The following ZNF286A variants were observed in gnomAD, a reference collection of about 807,000 sequenced individuals.
The protein encoded by ZNF286A is zinc finger protein ZNF286.
A neutral mutation model predicts 49.3 loss-of-function variants in ZNF286A; 34 were observed. The ratio of observed to expected loss-of-function variants is 0.69; its 90% CI spans 0.52 to 0.92. The LOEUF is 0.92. ZNF286A is among the 40% of genes least tolerant of loss of function. ZNF286A has a pLI of 0.00. For synonymous variants in ZNF286A, 155 were observed against 200.4 expected, an observed-to-expected ratio of 0.77 and a Z score of 1.91; for missense variants, 462 against 600.2, an observed-to-expected ratio of 0.77 and a Z score of 2.41.
In ZNF286A at chr17:15,716,540, C is replaced by T. The variant is rs776475544; in HGVS notation, c.816C>T (p.Thr272=). 1 of 1,613,898 alleles carries T rather than the reference C, an allele frequency of 6.2e-7. No homozygotes were observed. The highest frequency in any genetic ancestry group is 1.1e-5 in the South Asian group (1 of 91,080). The part of the protein sequence containing the change: ...QRVHTGEKPY[T]CNECGKSFSH... ...TCCATACTGGAGAGAAACCCTATAC[C>T]TGCAATGAATGTGGGAAATCTTTTA... Residue 272 remains threonine, a synonymous_variant, in exon 6 of 6, where the codon ACC becomes ACT. Transcript: ENST00000583566.
intron 5 of ZNF286A, 80 bp from the exon 6 acceptor site, chr17:15,715,979 A>T: frequency 6.3e-7 from 1 of 1,575,924 alleles, no homozygotes; most frequent in Non-Finnish European, 8.6e-7. Flanking sequence ...TTTCACTTTC[A>T]TTAACTCTTA....
At chr17:15,712,071 AC>A (rs1374058312) in intron 5 of ZNF286A, among the ~76,000 whole-genome samples, 1 of 152,044 alleles carries the variant, frequency 6.6e-6, no homozygotes, top group Non-Finnish European at 1.5e-5. Context: ...ATGGGGTTTC[AC>A]CGTGTTAGCC....
In ZNF286A at chr17:15,704,573, G is replaced by A. The variant is rs906468132; in HGVS notation, c.127-1814G>A. 2.9e-5 allele frequency: 46 copies of A among 1,613,966 alleles called. No homozygotes were observed. The South Asian group carries it at 3.3e-4, about 12-fold the overall frequency. On this transcript the variant is annotated intron_variant, in intron 3 of 5. Coordinates refer to ENST00000583566, the MANE Select transcript of ZNF286A (RefSeq NM_001130842.2). Reference sequence around the variant, plus strand: ...CACCTGATGGTCAGCAGTACGTGTCGGATGCCCAGCTCAGCCGTCCAGTCC... The same window carrying A: ...CACCTGATGGTCAGCAGTACGTGTCAGATGCCCAGCTCAGCCGTCCAGTCC...
Position 15,716,930 on chromosome 17 carries a change from A to G in ZNF286A, c.1206A>G (p.Arg402=), listed in dbSNP as rs758902457. The G allele has an allele frequency of 6.2e-6, 10 of 1,611,160 alleles. No individual in the cohort carries two copies. In the Admixed American group the frequency reaches 8.4e-5, roughly 13 times the overall value. The change falls in exon 6 of 6, where the codon AGA becomes AGG. Residue 402 remains arginine, a synonymous_variant. Coordinates refer to ENST00000583566, the MANE Select transcript of ZNF286A (RefSeq NM_001130842.2). ...GCTCATCCCTAACTAAGCATCAGAG[A>G]GTTCATACTGGAGAAAAGCCATATG... ...SHCSSLTKHQ[R]VHTGEKPYEC...
rs572630043 is a variant in ZNF286A, at chr17:15,716,118, G to T, written c.394G>T (p.Glu132Ter). ...STSVQDFSKA[E>*]SCKVAIIDRL... Reference sequence around the variant, plus strand: ...TTCAGTGCAAGATTTTTCCAAAGCAGAATCATGCAAAGTTGCAATAATAGA... The same window carrying T: ...TTCAGTGCAAGATTTTTCCAAAGCATAATCATGCAAAGTTGCAATAATAGA... Residue 132 changes from glutamate to a stop codon, truncating the protein, a stop_gained, in exon 6 of 6, where the codon GAA (glutamate) becomes TAA (stop). Coordinates refer to ENST00000583566, the MANE Select transcript of ZNF286A (RefSeq NM_001130842.2). LOFTEE classifies it high-confidence loss of function. The T allele has an allele frequency of 9.3e-6, 15 of 1,613,738 alleles. No homozygotes were observed. Among genetic ancestry groups the T allele is most frequent in the Non-Finnish European group, 1.3e-5 (15 of 1,179,832 alleles).
intron 5 of ZNF286A, among the ~76,000 whole-genome samples, chr17:15,711,072 C>T (rs574413885): frequency 2.0e-5 from 3 of 152,060 alleles, no homozygotes; most frequent in East Asian, 3.9e-4. Context: ...CCACCAAACC[C>T]GGCTAATTTT....
rs1325666733 is a variant in ZNF286A at position 15,706,389 on chromosome 17, A to G, written c.129A>G (p.Glu43=). The change falls in exon 4 of 6, where the codon GAA becomes GAG. Residue 43 remains glutamate, a splice_region_variant and synonymous_variant. Transcript: ENST00000583566. ...AALRLTARSQ[E]TVTFKDVAMD... ...GAAAAAAATATTTTATGTTTTAGGA[A>G]ACAGTGACATTCAAGGATGTGGCCA... is the stretch of plus-strand genomic sequence containing the variant. 6.2e-7 allele frequency: 1 copy of G among 1,612,960 alleles called. No individual in the cohort carries two copies. The highest frequency in any genetic ancestry group is 1.3e-5 in the African/African-American group (1 of 75,042).
Position 15,719,769 on chromosome 17 carries a change from T to C in ZNF286A, c.*2479T>C, listed in dbSNP as rs1967279659. On this transcript the variant is annotated 3_prime_UTR_variant, in exon 6 of 6. Coordinates refer to ENST00000583566, the MANE Select transcript of ZNF286A (RefSeq NM_001130842.2). ...CTAAAATATTTACTGTTTGGCTCTT[T>C]ACAGAAAATATTTTCTTGGCCCCTG... 6.6e-6 allele frequency: 1 copy of C among 152,230 alleles called. No homozygotes were observed. Among genetic ancestry groups the C allele is most frequent in the Non-Finnish European group, 1.5e-5 (1 of 68,060 alleles). 9.4% of individuals were successfully genotyped at this position (152,230 alleles called of 1,614,324 possible). A position where few individuals can be genotyped will look rare whatever the true frequency, so the allele number is the denominator to read the frequency against.
At chr17:15,711,223 T>C (rs1209319992) in intron 5 of ZNF286A, 1 of 152,114 alleles carries the variant, frequency 6.6e-6, no homozygotes, top group Non-Finnish European at 1.5e-5. Context: ...TCAAGTTTAA[T>C]TTTTTATAAT....
At chr17:15,704,190 C>T in intron 3 of ZNF286A, 1 of 1,409,254 alleles carries the variant, frequency 7.1e-7, no homozygotes, top group Non-Finnish European at 9.7e-7. Flanking sequence ...AGGGAGGGGA[C>T]AGGAGAGGTT....
chr17:15,706,235 G>A (rs1043400759), intron 3 of ZNF286A, 152 bp from the exon 4 acceptor site: 6 of 619,662 alleles, frequency 9.7e-6, no homozygotes, highest in African/African-American at 7.4e-5. Context: ...AAAATACTCC[G>A]AATCTGACGA....
chr17:15,709,385 G>C lies in ZNF286A; in HGVS notation c.334+1138G>C, dbSNP rs550724534. 2.0e-5 allele frequency among the ~76,000 whole-genome samples: 3 copies of C among 151,424 alleles called. No homozygotes were observed. In the South Asian group the frequency reaches 6.3e-4, roughly 32 times the overall value. Reference sequence around the variant, plus strand: ...CAGGCACCTGTAATCCTAGCTACTTGGGAGGCTGAGGCAGGAGAATTGCTT... The same window carrying C: ...CAGGCACCTGTAATCCTAGCTACTTCGGAGGCTGAGGCAGGAGAATTGCTT... On this transcript the variant is annotated intron_variant, in intron 5 of 5. Transcript: ENST00000583566.
intron 5 of ZNF286A, among the ~76,000 whole-genome samples, chr17:15,715,286 C>T (rs1017141393): frequency 2.6e-5 from 4 of 150,966 alleles, no homozygotes; most frequent in African/African-American, 9.7e-5. Context: ...AAAAAAGTAG[C>T]AAACTGTGTG....
chr17:15,701,217 C>G lies in ZNF286A; in HGVS notation c.103C>G (p.Leu35Val). 2 of 1,614,148 alleles carry G rather than the reference C, an allele frequency of 1.2e-6. No homozygotes were observed. Among genetic ancestry groups the G allele is most frequent in the Non-Finnish European group, 1.7e-6 (2 of 1,180,042 alleles). ...KSTEEGEVAA[L>V]RLTARSQETV... ...CACAGAAGAGGGAGAAGTGGCTGCT[C>G]TGCGCCTCACGGCCAGATCCCAGGT... Residue 35 changes from leucine (L) to valine (V), a missense_variant, in exon 3 of 6, where the codon CTG becomes GTG. Coordinates refer to ENST00000583566, the MANE Select transcript of ZNF286A (RefSeq NM_001130842.2).
chr17:15,716,501 T>C lies in ZNF286A; in HGVS notation c.777T>C (p.Ile259=), dbSNP rs778188961. ...GELFTYHSVL[I]RHQRVHTGEK... ...TCTTCACCTACCATTCAGTGCTTAT[T>C]CGACACCAGAGAGTCCATACTGGAG... Residue 259 remains isoleucine (I), a synonymous_variant, in exon 6 of 6, where the codon ATT becomes ATC. Coordinates refer to ENST00000583566, the MANE Select transcript of ZNF286A (RefSeq NM_001130842.2). 2 of 1,614,020 alleles carry C rather than the reference T, an allele frequency of 1.2e-6. No individual in the cohort carries two copies. The highest frequency in any genetic ancestry group is 1.7e-6 in the Non-Finnish European group (2 of 1,180,014).
rs754233332 is a variant in ZNF286A at position 15,716,798 on chromosome 17, A to G, written c.1074A>G (p.Glu358=). Residue 358 remains glutamate (E), a synonymous_variant, in exon 6 of 6, where the codon GAA becomes GAG. Transcript: ENST00000583566. ...GAGTGAAGCCTTATGAATGTAATGA[A>G]TGTGATAAAGCTTTTATTCATTCAT... is the stretch of plus-strand genomic sequence containing the variant. The part of the protein sequence containing the change: ...HTGVKPYECN[E]CDKAFIHSSA... 3.1e-5 allele frequency: 50 copies of G among 1,613,800 alleles called. No homozygotes were observed. The highest frequency in any genetic ancestry group is 3.4e-5 in the Non-Finnish European group (40 of 1,179,862).
intron 5 of ZNF286A, among the ~76,000 whole-genome samples, chr17:15,715,637 G>A (rs1476260707): frequency 1.3e-5 from 2 of 152,078 alleles, no homozygotes; most frequent in East Asian, 1.9e-4. Flanking sequence ...TTGGATGTGA[G>A]TAGGATTGGA....
rs184286484 is a variant in ZNF286A at position 15,715,878 on chromosome 17, C to T, written c.335-181C>T. Reference sequence around the variant, plus strand: ...CCTGGATAGGATGTACTTATTTTCTCTGCATAGTCTGAGCATTTGTTTCCC... The same window carrying T: ...CCTGGATAGGATGTACTTATTTTCTTTGCATAGTCTGAGCATTTGTTTCCC... On this transcript the variant is annotated intron_variant, in intron 5 of 5. Transcript: ENST00000583566. 2.1e-5 allele frequency: 31 copies of T among 1,444,008 alleles called. 1 individual carries two copies. The Middle Eastern group carries it at 2.0e-3, about 92-fold the overall frequency. The allele number at this position is 1,444,008 out of a possible 1,614,324, so 89.4% of individuals were successfully genotyped here.
chr17:15,704,066 A>ATTAT lies in ZNF286A; in HGVS notation c.127-2319_127-2318insATTT, dbSNP rs1555564098. Among the ~76,000 whole-genome samples the ATTAT allele has an allele frequency of 7.1e-4, 103 of 144,182 alleles. 1 individual carries two copies. Among genetic ancestry groups the ATTAT allele is most frequent in the African/African-American group, 2.2e-3 (86 of 39,394 alleles). 94.6% of individuals were successfully genotyped at this position (144,182 alleles called of 152,430 possible). On this transcript the variant is annotated intron_variant, in intron 3 of 5. Transcript: ENST00000583566. The stretch of plus-strand genomic sequence containing the variant: ...GAATAATTCTCTTATTATTATTATT[A>ATTAT]TTTTTTTTTTTTTGCTTTTCCAACT...
Sources: allele counts gnomAD v4.1 joint callset (sites outside exome capture counted in the v4.1 genomes callset), GRCh38; gene constraint gnomAD v4.1.1; transcripts MANE v1.5; gene names NCBI Gene and HGNC (gene_info 2026-07-23, HGNC 2026-07-21).